HCRTR2: variants seen among roughly 807,000 people sequenced by gnomAD.
HCRTR2 encodes the protein orexin receptor type 2.
Under a neutral mutation model 49.0 loss-of-function variants are expected in HCRTR2, and 22 were observed. That is an observed-to-expected ratio of 0.45 (90% CI 0.32 to 0.64). The LOEUF (loss-of-function observed/expected upper bound fraction) is 0.64. Ranked by LOEUF, HCRTR2 falls within the 30% of genes least tolerant of loss-of-function variation. The probability of loss-of-function intolerance (pLI) is 0.04; values close to 1 mark genes in which losing one functional copy is unlikely to be tolerated. For missense variants in HCRTR2, 491 were observed against 559.4 expected (o/e 0.88, Z 1.23); for synonymous variants, 236 against 205.3 (o/e 1.15, Z -1.28).
rs72979960 is a variant in HCRTR2, at chr6:55,210,947, G to A, written c.223+36137G>A. On this transcript the variant is annotated intron_variant, in intron 1 of 6. Coordinates refer to ENST00000370862, the MANE Select transcript of HCRTR2 (RefSeq NM_001384272.1). ...TTGGTCAACGACAGACTGCATTTAC[G>A]ACTGTGGTCCCATAAGATTATAATA... Among the ~76,000 whole-genome samples the A allele has an allele frequency of 6.1e-3, 926 of 152,250 alleles. 3 individuals carry two copies. Among genetic ancestry groups the A allele is most frequent in the South Asian group, 0.016 (79 of 4,824 alleles).
chr6:55,262,516 T>C (rs189109804), intron 3 of HCRTR2, among the ~76,000 whole-genome samples: 1 of 131,678 alleles, frequency 7.6e-6, no homozygotes, highest in African/African-American at 2.8e-5. Context: ...ATATAACTTA[T>C]ATATTATATA....
chr6:55,238,673 G>C (rs1159491692), intron 1 of HCRTR2, among the ~76,000 whole-genome samples: 2 of 152,184 alleles, frequency 1.3e-5, no homozygotes, highest in Non-Finnish European at 2.9e-5. Context: ...GGTATGCAAA[G>C]TAGGAGAGAG....
chr6:55,160,140 C>T lies in HCRTR2; in HGVS notation c.-377-14071C>T, dbSNP rs533382836. On this transcript the variant is annotated intron_variant, in intron 1 of 7. Coordinates refer to the HCRTR2 transcript ENST00000615358. ...CCCATCAGACTAACAGTGGATCTCC[C>T]TGCAGAAACCCTACAAGCCAGAAGA... Among the ~76,000 whole-genome samples, 4 of 152,284 alleles carry T rather than the reference C, an allele frequency of 2.6e-5. No homozygotes were observed. In the South Asian group the frequency reaches 8.3e-4, roughly 32 times the overall value.
chr6:55,245,066 A>C (rs1251358239), intron 1 of HCRTR2, among the ~76,000 whole-genome samples: 1 of 151,800 alleles, frequency 6.6e-6, no homozygotes, highest in Middle Eastern at 3.2e-3. Flanking sequence ...TTGGGTTACT[A>C]TAGGCTTATA....
intron 3 of HCRTR2, among the ~76,000 whole-genome samples, chr6:55,261,196 C>T (rs1297615253): frequency 6.6e-6 from 1 of 151,826 alleles, no homozygotes; most frequent in Admixed American, 6.6e-5. Context: ...AATACAAGTA[C>T]AAAAATATCT....
intron 2 of HCRTR2, among the ~76,000 whole-genome samples, chr6:55,250,025 T>A (rs550056067): frequency 1.3e-5 from 2 of 152,216 alleles, no homozygotes; most frequent in Admixed American, 1.3e-4. Context: ...TGGAATGAAA[T>A]GTTGCAAAGA....
chr6:55,110,788 A>G (rs1352204106), intron 1 of HCRTR2, among the ~76,000 whole-genome samples: 1 of 152,080 alleles, frequency 6.6e-6, no homozygotes, highest in East Asian at 1.9e-4. Context: ...GGAGACTTCA[A>G]TACTCAACTG....
chr6:55,207,088 G>C (rs1269357118), intron 1 of HCRTR2, among the ~76,000 whole-genome samples: 1 of 151,792 alleles, frequency 6.6e-6, no homozygotes, highest in African/African-American at 2.4e-5. Context: ...AAGAATCTTT[G>C]CATCTTATAA....
chr6:55,114,339 AC>A, intron 1 of HCRTR2, among the ~76,000 whole-genome samples: 1 of 151,960 alleles, frequency 6.6e-6, no homozygotes, highest in East Asian at 1.9e-4. Flanking sequence ...ACAAAACAAC[AC>A]AAAATAGAAC....
chr6:55,164,682 G>T (rs892585477), intron 1 of HCRTR2, among the ~76,000 whole-genome samples: 1 of 152,032 alleles, frequency 6.6e-6, no homozygotes, highest in African/African-American at 2.4e-5. Flanking sequence ...TAGGTGACAG[G>T]TTGATGGGTG....
At chr6:55,146,443 G>A (rs538838905) in intron 1 of HCRTR2, among the ~76,000 whole-genome samples, 9 of 152,092 alleles carry the variant, frequency 5.9e-5, no homozygotes, top group African/African-American at 2.2e-4. Flanking sequence ...ACATTTCAAG[G>A]TCAAAAATGC....
At chr6:55,160,025 A>C (rs1176771084) in intron 1 of HCRTR2, among the ~76,000 whole-genome samples, 1 of 152,120 alleles carries the variant, frequency 6.6e-6, no homozygotes. Context: ...CAACCCCAAG[A>C]CACATAATTG....
At chr6:55,268,786 T>G (rs2127325447) in intron 4 of HCRTR2, among the ~76,000 whole-genome samples, 1 of 152,156 alleles carries the variant, frequency 6.6e-6, no homozygotes, top group South Asian at 2.1e-4. Flanking sequence ...AATACTCACT[T>G]GTAGTAATGG....
intron 3 of HCRTR2, among the ~76,000 whole-genome samples, chr6:55,262,482 T>C (rs1766781383): frequency 7.6e-6 from 1 of 132,360 alleles, no homozygotes; most frequent in African/African-American, 2.8e-5. Flanking sequence ...ATATATAATA[T>C]ATAACTTATT....
chr6:55,245,634 G>T (rs1766429043), intron 1 of HCRTR2, among the ~76,000 whole-genome samples: 1 of 151,196 alleles, frequency 6.6e-6, no homozygotes, highest in South Asian at 2.1e-4. Context: ...CTGGAGAAAT[G>T]ATTGCAGGTA....
chr6:55,149,092 C>A (rs994650084), intron 1 of HCRTR2, among the ~76,000 whole-genome samples: 4 of 151,958 alleles, frequency 2.6e-5, no homozygotes. Context: ...GCCAGAGAAC[C>A]TTATAAAAAA....
Position 55,245,469 on chromosome 6 carries a change from T to TTATATATATA in HCRTR2, c.224-3142_224-3133dup, listed in dbSNP as rs745939954. ...TACACATAGAATACATAGGAAGATT[T>TTATATATATA]TATATATATATATATATATATATAT... On this transcript the variant is annotated intron_variant, in intron 1 of 6. Transcript: ENST00000370862. Among the ~76,000 whole-genome samples the TTATATATATA allele has an allele frequency of 6.1e-3, 343 of 56,666 alleles. 3 individuals are homozygous for TTATATATATA. The highest frequency in any genetic ancestry group is 0.02 in the East Asian group (37 of 1,840). The allele number at this position is 56,666 out of a possible 152,430, so 37.2% of individuals were successfully genotyped here.
chr6:55,243,960 TG>T (rs1766383023), intron 1 of HCRTR2, among the ~76,000 whole-genome samples: 1 of 152,112 alleles, frequency 6.6e-6, no homozygotes, highest in African/African-American at 2.4e-5. Flanking sequence ...CAGTTGATTT[TG>T]GACAGTTTTG....
chr6:55,274,816 T>C (rs559668505), intron 4 of HCRTR2, among the ~76,000 whole-genome samples: 4 of 152,338 alleles, frequency 2.6e-5, no homozygotes, highest in African/African-American at 9.6e-5. Context: ...TTTGTTGCCA[T>C]ATCTTTGATT....
Sources: allele counts gnomAD v4.1 joint callset (sites outside exome capture counted in the v4.1 genomes callset), GRCh38; gene constraint gnomAD v4.1.1; transcripts MANE v1.5; gene names NCBI Gene and HGNC (gene_info 2026-07-23, HGNC 2026-07-21).